Variants in DNAH6 observed in about 807,000 individuals in gnomAD.
DNAH6 encodes the protein axonemal beta dynein heavy chain 6.
Under a neutral mutation model 491.4 loss-of-function variants are expected in DNAH6, and 340 were observed. That is an observed-to-expected ratio of 0.69 (90% CI 0.63 to 0.76). The LOEUF (loss-of-function observed/expected upper bound fraction) is 0.76, where lower values mean the gene tolerates loss of function less well. Among genes scored for constraint, DNAH6 ranks in the 30% least tolerant of loss-of-function variants. The pLI, the probability that DNAH6 is intolerant of heterozygous loss-of-function variation, is 0.00. For missense variants in DNAH6, 4,443 were observed against 4,972.2 expected (o/e 0.89, Z 3.20); for synonymous variants, 1,603 against 1,686.1 (o/e 0.95, Z 1.21).
rs898984373 is a variant in DNAH6 at position 84,653,619 on chromosome 2, T to C, written c.5379T>C (p.Pro1793=). ...CAGTTAAAACATATGTTCTCAACCC[T>C]AAATCAATTACCATGGGTGAATTAT... ...YQAVKTYVLN[P]KSITMGELYG... is the part of the protein sequence containing the mutation. The change falls in exon 34 of 77, where the codon CCT becomes CCC. Residue 1793 remains proline (P), a synonymous_variant. Coordinates refer to ENST00000389394, the MANE Select transcript of DNAH6 (RefSeq NM_001370.2). 1.9e-6 allele frequency: 3 copies of C among 1,551,308 alleles called. No individual in the cohort carries two copies. In the African/African-American group the frequency reaches 4.1e-5, roughly 21 times the overall value.
chr2:84,602,482 CTTTTTTTTTTTTT>C (rs3029846), intron 18 of DNAH6, among the ~76,000 whole-genome samples: 4 of 32,002 alleles, frequency 1.2e-4, no homozygotes, highest in South Asian at 1.7e-3. Context: ...TGTTGTGTCC[CTTTTTTTTTTTTT>C]TTTTTTTTTT....
At chr2:84,607,119 A>G in intron 21 of DNAH6, 24 bp downstream of exon 21, 1 of 1,544,446 alleles carries the variant, frequency 6.5e-7, no homozygotes, top group Non-Finnish European at 8.8e-7. Context: ...ATTTTGATTC[A>G]TACACTCAGA....
At chr2:84,708,266 C>T (rs529906107) in intron 54 of DNAH6, among the ~76,000 whole-genome samples, 7 of 151,132 alleles carry the variant, frequency 4.6e-5, no homozygotes, top group Admixed American at 3.9e-4. Flanking sequence ...TGTGAAACCT[C>T]GTCTCTACTA....
Position 84,775,404 on chromosome 2 carries a change from C to A in DNAH6, c.10704-6089C>A, listed in dbSNP as rs1386913669. On this transcript the variant is annotated intron_variant, in intron 64 of 76. Coordinates refer to ENST00000389394, the MANE Select transcript of DNAH6 (RefSeq NM_001370.2). ...TAACTTTTTAATATGCTGCTGGATT[C>A]ACTTTCCTAGTATTTTGTTGAGAAT... 2.0e-5 allele frequency among the ~76,000 whole-genome samples: 3 copies of A among 152,076 alleles called. No homozygotes were observed. The East Asian group carries it at 5.8e-4, about 29-fold the overall frequency.
chr2:84,473,032 T>C, the DNAH6 span, among the ~76,000 whole-genome samples: 26 of 152,084 alleles, frequency 1.7e-4, no homozygotes, highest in Non-Finnish European at 3.4e-4. Context: ...TTTGCAAAAC[T>C]TGTTGAGGTC....
chr2:84,710,291 A>C lies in DNAH6; in HGVS notation c.9257A>C (p.Asn3086Thr), dbSNP rs61752525. Reference sequence around the variant, plus strand: ...GCTCTGTGCTTTTCCAAACAGGCAAACCGTTGGATAAGGAACAAGGAAAGC... The same window carrying C: ...GCTCTGTGCTTTTCCAAACAGGCAACCCGTTGGATAAGGAACAAGGAAAGC... ...PLMIDPQDQA[N>T]RWIRNKESKS... The change falls in exon 56 of 77, where the codon AAC becomes ACC. Residue 3086 changes from asparagine to threonine, a missense_variant. Around this residue, in one of 3 missense-constraint regions of DNAH6, gnomAD observed 1,463 missense variants for 1,656.6 expected, o/e 0.88. Coordinates refer to ENST00000389394, the MANE Select transcript of DNAH6 (RefSeq NM_001370.2). 6.4e-7 allele frequency: 1 copy of C among 1,551,504 alleles called. No homozygotes were observed. Among genetic ancestry groups the C allele is most frequent in the Non-Finnish European group, 8.7e-7 (1 of 1,146,894 alleles).
chr2:84,721,565 A>G (rs1159085051), intron 59 of DNAH6, among the ~76,000 whole-genome samples: 1 of 152,250 alleles, frequency 6.6e-6, no homozygotes, highest in African/African-American at 2.4e-5. Flanking sequence ...AAAATACACA[A>G]CAGATTTCAA....
In DNAH6 at chr2:84,544,328, A is replaced by G. The variant is rs1202827153; in HGVS notation, c.758A>G (p.Glu253Gly). ...TATAATGAAGACATTGAATTTATCGAAATTGATCGATGGGAACAGGAATAT... is the reference window on the plus strand; with the variant it reads ...TATAATGAAGACATTGAATTTATCGGAATTGATCGATGGGAACAGGAATAT... ...HIYNEDIEFI[E>G]IDRWEQEYLY... Residue 253 changes from glutamate to glycine, a missense_variant, in exon 5 of 77, where the codon GAA (glutamate) becomes GGA (glycine). By Grantham distance (98) the Glu-to-Gly change is moderately conservative. Transcript: ENST00000389394. The G allele has an allele frequency of 2.6e-6, 4 of 1,542,624 alleles. No individual in the cohort carries two copies. In the South Asian group the frequency reaches 4.8e-5, roughly 18 times the overall value.
At chr2:84,626,054 A>G (rs1230457186) in intron 29 of DNAH6, among the ~76,000 whole-genome samples, 1 of 152,202 alleles carries the variant, frequency 6.6e-6, no homozygotes, top group Admixed American at 6.5e-5. Context: ...AGTGAGAATG[A>G]AAAAGGCATA....
At chr2:84,729,380 C>T (rs1484567033) in intron 61 of DNAH6, among the ~76,000 whole-genome samples, 2 of 152,194 alleles carry the variant, frequency 1.3e-5, no homozygotes, top group Admixed American at 1.3e-4. Context: ...CTCTCTTAAC[C>T]AGTTCACTCT....
chr2:84,513,600 C>A (rs1258152516), upstream of DNAH6, among the ~76,000 whole-genome samples: 12 of 151,316 alleles, frequency 7.9e-5, 1 homozygote, highest in Non-Finnish European at 1.5e-5. Context: ...ATGTGTTTGC[C>A]TTTTAAGTCT....
At position 84,611,842 on chromosome 2, in the gene DNAH6, G is replaced by T; in HGVS notation, c.3463G>T (p.Ala1155Ser). 1.3e-6 allele frequency: 2 copies of T among 1,550,466 alleles called. No homozygotes were observed. Among genetic ancestry groups the T allele is most frequent in the Non-Finnish European group, 1.7e-6 (2 of 1,146,230 alleles). ...VNRLPNALRAATQPGLLETFQ... is the reference protein window; with the variant it reads ...VNRLPNALRASTQPGLLETFQ... ...TCGGCTGCCTAATGCTCTTCGAGCC[G>T]CTACTCAGCCAGGTATGAAACAAAA... Residue 1155 changes from alanine (A) to serine (S), a missense_variant, in exon 22 of 77, where the codon GCT (alanine) becomes TCT (serine). Ala to Ser is a moderately conservative substitution (Grantham distance 99). Coordinates refer to ENST00000389394, the MANE Select transcript of DNAH6 (RefSeq NM_001370.2).
At chr2:84,626,604 C>A (rs1196537899) in intron 29 of DNAH6, among the ~76,000 whole-genome samples, 2 of 151,922 alleles carry the variant, frequency 1.3e-5, no homozygotes, top group Non-Finnish European at 2.9e-5. Context: ...CATTATTTTT[C>A]TCTTTTTTTA....
chr2:84,730,435 AATG>A (rs1328039682), intron 61 of DNAH6, among the ~76,000 whole-genome samples: 1 of 152,160 alleles, frequency 6.6e-6, no homozygotes, highest in Non-Finnish European at 1.5e-5. Flanking sequence ...AATGTTTTTA[AATG>A]ATGATATTTT....
At chr2:84,792,163 G>C (rs1250929531) in intron 68 of DNAH6, among the ~76,000 whole-genome samples, 1 of 152,136 alleles carries the variant, frequency 6.6e-6, no homozygotes, top group Non-Finnish European at 1.5e-5. Context: ...CTTATGTGAG[G>C]CCTCTATAAT....
chr2:84,684,451 A>G (rs1026269591), intron 42 of DNAH6, among the ~76,000 whole-genome samples: 5 of 152,230 alleles, frequency 3.3e-5, no homozygotes, highest in African/African-American at 1.2e-4. Context: ...CATTTCATCA[A>G]AAGTCCTAGA....
chr2:84,805,794 G>T lies in DNAH6; in HGVS notation c.11611G>T (p.Glu3871Ter), dbSNP rs982082689. The T allele has an allele frequency of 5.8e-6, 9 of 1,547,976 alleles. No homozygotes were observed. Among genetic ancestry groups the T allele is most frequent in the African/African-American group, 1.4e-5 (1 of 72,834 alleles). ...TGCTTCTGTCCAGACCAGAGTTCCA[G>T]GTAATAAATAATTCTAGGAATCTGT... ...LVASVQTRVP[E>*]KLEMEGASES... Residue 3871 changes from glutamate (E) to a stop codon, truncating the protein, a stop_gained and splice_region_variant, in exon 71 of 77, where the codon GAA becomes TAA. Transcript: ENST00000389394. LOFTEE classifies it high-confidence loss of function.
chr2:84,783,859 C>A (rs1352361059), intron 65 of DNAH6, among the ~76,000 whole-genome samples: 1 of 151,960 alleles, frequency 6.6e-6, no homozygotes, highest in African/African-American at 2.4e-5. Flanking sequence ...GTAAGGAGGA[C>A]CAGAAAGATT....
At chr2:84,780,817 A>C (rs1676620140) in intron 64 of DNAH6, among the ~76,000 whole-genome samples, 1 of 150,732 alleles carries the variant, frequency 6.6e-6, no homozygotes, top group Admixed American at 6.6e-5. Flanking sequence ...TGAGGGCTTG[A>C]CTGTGGTGTA....
Sources: gnomAD v4.1 joint callset for allele counts (sites outside exome capture counted in the v4.1 genomes callset) on GRCh38, gnomAD v4.1.1 for gene constraint, gnomAD v4.1.1 regional missense constraint, MANE v1.5 for transcripts, NCBI Gene and HGNC (gene_info 2026-07-23, HGNC 2026-07-21) for gene names.